Variants in CNIH3 observed in about 807,000 individuals in gnomAD.
CNIH3 encodes the protein protein cornichon homolog 3.
A neutral mutation model predicts 24.1 loss-of-function variants in CNIH3; 14 were observed. That is an observed-to-expected ratio of 0.58 (90% CI 0.38 to 0.91). The LOEUF (loss-of-function observed/expected upper bound fraction) is 0.91, where lower values mean the gene tolerates loss of function less well. Ranked by LOEUF, CNIH3 falls within the 40% of genes least tolerant of loss-of-function variation. The probability of loss-of-function intolerance (pLI) is 0.00; values close to 1 mark genes in which losing one functional copy is unlikely to be tolerated. For synonymous variants in CNIH3, 68 were observed against 73.8 expected (o/e 0.92, Z 0.40); for missense variants, 178 against 196.8 (o/e 0.90, Z 0.57).
chr1:224,705,736 T>C (rs1010729098), intron 3 of CNIH3, among the ~76,000 whole-genome samples: 1 of 152,140 alleles, frequency 6.6e-6, no homozygotes, highest in Admixed American at 6.5e-5. Context: ...CAGGCTGCCA[T>C]AGTACCCTGC....
At chr1:224,448,000 C>T (rs750003320) in intron 1 of CNIH3, among the ~76,000 whole-genome samples, 3 of 152,168 alleles carry the variant, frequency 2.0e-5, no homozygotes, top group Non-Finnish European at 4.4e-5. Context: ...CCTAAGCTGG[C>T]AGTCACTAGA....
chr1:224,463,558 C>T (rs1676018755), intron 1 of CNIH3, among the ~76,000 whole-genome samples: 1 of 150,538 alleles, frequency 6.6e-6, no homozygotes, highest in East Asian at 2.0e-4. Flanking sequence ...AGGCATGTGC[C>T]ACCATGCCCG....
chr1:224,522,529 A>G (rs1163054561), intron 2 of CNIH3, among the ~76,000 whole-genome samples: 1 of 152,234 alleles, frequency 6.6e-6, no homozygotes, highest in Non-Finnish European at 1.5e-5. Context: ...AAGTGCTCCT[A>G]TCTGGAATAC....
At chr1:224,443,631 T>C (rs144538885) in intron 1 of CNIH3, among the ~76,000 whole-genome samples, 2 of 151,918 alleles carry the variant, frequency 1.3e-5, no homozygotes, top group East Asian at 3.9e-4. Context: ...CCAAAGAATA[T>C]AGGTAAATGA....
chr1:224,493,474 G>A lies in CNIH3; in HGVS notation n.204-22267G>A, dbSNP rs566904772. Among the ~76,000 whole-genome samples the A allele has an allele frequency of 7.2e-5, 11 of 152,254 alleles. No individual in the cohort carries two copies. In the South Asian group the frequency reaches 8.3e-4, roughly 11 times the overall value. On this transcript the variant is annotated intron_variant and non_coding_transcript_variant, in intron 1 of 5. Coordinates refer to the CNIH3 transcript ENST00000471578. The stretch of plus-strand genomic sequence containing the variant: ...TTTAAATGTAGTTTCAACCTACCCC[G>A]AGGGCTCAAGGAAGGGGTGTGATTG...
intron 3 of CNIH3, among the ~76,000 whole-genome samples, chr1:224,700,047 G>T (rs962438432): frequency 1.3e-5 from 2 of 152,170 alleles, no homozygotes; most frequent in Non-Finnish European, 2.9e-5. Flanking sequence ...CACTGCCACT[G>T]CACTGTAGGA....
chr1:224,511,982 C>A (rs1449023385), upstream of CNIH3, among the ~76,000 whole-genome samples: 1 of 151,634 alleles, frequency 6.6e-6, no homozygotes. Context: ...TCGAGACCAG[C>A]CTGACCAACA....
intron 1 of CNIH3, among the ~76,000 whole-genome samples, chr1:224,619,793 T>C (rs947046024): frequency 1.3e-5 from 2 of 152,204 alleles, no homozygotes; most frequent in African/African-American, 2.4e-5. Flanking sequence ...AAAAAATGAA[T>C]TGGGCGCTTA....
chr1:224,697,605 G>C (rs1192001789), intron 3 of CNIH3, among the ~76,000 whole-genome samples: 2 of 152,154 alleles, frequency 1.3e-5, no homozygotes, highest in African/African-American at 4.8e-5. Context: ...CACGAGCCAC[G>C]TGCTTTTCAT....
At position 224,739,417 on chromosome 1, in the gene CNIH3, A is replaced by G; in HGVS notation, c.*61A>G. 1 of 1,577,616 alleles carries G rather than the reference A, an allele frequency of 6.3e-7. No homozygotes were observed. On this transcript the variant is annotated 3_prime_UTR_variant, in exon 6 of 6. Coordinates refer to ENST00000272133, the MANE Select transcript of CNIH3 (RefSeq NM_152495.2). ...GGAGAGGCCTGAGACGGAGAGGTGC[A>G]TTTCTGCTGGTGACTGGAGGAGGGA... is the stretch of plus-strand genomic sequence containing the variant.
At chr1:224,481,278 A>G (rs1467678558) in intron 1 of CNIH3, among the ~76,000 whole-genome samples, 1 of 152,204 alleles carries the variant, frequency 6.6e-6, no homozygotes, top group African/African-American at 2.4e-5. Flanking sequence ...ATTCAAGATG[A>G]GATTTAGGTG....
chr1:224,488,284 T>TA (rs1677103709), intron 1 of CNIH3, among the ~76,000 whole-genome samples: 1 of 152,074 alleles, frequency 6.6e-6, no homozygotes. Context: ...CAATTGTACT[T>TA]ACGTTAAATC....
intron 1 of CNIH3, among the ~76,000 whole-genome samples, chr1:224,519,810 G>T (rs1210472648): frequency 2.0e-5 from 3 of 151,678 alleles, no homozygotes; most frequent in Non-Finnish European, 1.5e-5. Flanking sequence ...GACTAACACG[G>T]TAGCTACTAG....
intron 1 of CNIH3, among the ~76,000 whole-genome samples, chr1:224,502,223 A>C (rs893840158): frequency 6.6e-6 from 1 of 152,106 alleles, no homozygotes; most frequent in Non-Finnish European, 1.5e-5. Context: ...AAGGGAATGG[A>C]AATTAGGGGC....
intron 1 of CNIH3, among the ~76,000 whole-genome samples, chr1:224,639,391 C>T (rs530648421): frequency 3.9e-5 from 6 of 152,322 alleles, no homozygotes; most frequent in East Asian, 3.9e-4. Flanking sequence ...TAGGGGCCTG[C>T]GGGCCCCACC....
downstream of CNIH3, among the ~76,000 whole-genome samples, chr1:224,591,180 A>T (rs975877031): frequency 2.0e-5 from 3 of 152,194 alleles, no homozygotes; most frequent in Non-Finnish European, 2.9e-5. Context: ...ACTGCTTCAC[A>T]TATCTGAATT....
chr1:224,659,408 C>T (rs542074243), intron 1 of CNIH3, among the ~76,000 whole-genome samples: 15 of 152,298 alleles, frequency 9.8e-5, no homozygotes, highest in African/African-American at 3.6e-4. Context: ...TAGAAATTCT[C>T]TTAGTAAAAT....
chr1:224,542,155 A>G (rs568619639), downstream of CNIH3, among the ~76,000 whole-genome samples: 15 of 152,334 alleles, frequency 9.8e-5, no homozygotes, highest in African/African-American at 1.4e-4. Flanking sequence ...TGAAAATGCC[A>G]CAACCATTCC....
intron 4 of CNIH3, among the ~76,000 whole-genome samples, chr1:224,567,248 T>A (rs1220605931): frequency 6.6e-6 from 1 of 152,228 alleles, no homozygotes; most frequent in Non-Finnish European, 1.5e-5. Flanking sequence ...GTTTAAGTTC[T>A]TTGTAGATTC....
Sources: allele counts gnomAD v4.1 joint callset (sites outside exome capture counted in the v4.1 genomes callset), GRCh38; gene constraint gnomAD v4.1.1; transcripts MANE v1.5; gene names NCBI Gene and HGNC (gene_info 2026-07-23, HGNC 2026-07-21).